IQCM: variants seen among roughly 807,000 people sequenced by gnomAD.
The protein encoded by IQCM is IQ motif containing M, also known as IQ domain-containing protein M.
Under a neutral mutation model 57.6 loss-of-function variants are expected in IQCM, and 45 were observed. The observed-to-expected ratio is 0.78, with a 90% confidence interval of 0.62 to 1.00. The LOEUF is 1.00. Ranked by LOEUF, IQCM falls within the 50% of genes least tolerant of loss-of-function variation. IQCM has a pLI of 0.00. For synonymous variants in IQCM, 148 were observed against 158.9 expected (o/e 0.93, Z 0.51); for missense variants, 468 against 511.6 (o/e 0.91, Z 0.82).
At chr4:149,538,618 C>G (rs901640405) in intron 12 of IQCM, among the ~76,000 whole-genome samples, 12 of 151,906 alleles carry the variant, frequency 7.9e-5, no homozygotes, top group Admixed American at 2.6e-4. Flanking sequence ...ACTCTATGCT[C>G]TCTATAAGAA....
At chr4:149,438,431 A>C (rs889949399) in intron 12 of IQCM, among the ~76,000 whole-genome samples, 2 of 152,106 alleles carry the variant, frequency 1.3e-5, no homozygotes, top group Non-Finnish European at 2.9e-5. Context: ...GAATTTTCAT[A>C]TGTGAGTTTG....
At chr4:149,632,060 T>C (rs1721650394) in intron 7 of IQCM, among the ~76,000 whole-genome samples, 1 of 152,216 alleles carries the variant, frequency 6.6e-6, no homozygotes, top group South Asian at 2.1e-4. Context: ...AAGCAGGCCA[T>C]GTTAGCTGAG....
intron 12 of IQCM, among the ~76,000 whole-genome samples, chr4:149,461,585 T>C (rs1386396594): frequency 1.3e-5 from 2 of 148,412 alleles, no homozygotes; most frequent in African/African-American, 5.0e-5. Flanking sequence ...GCCTGGGAGG[T>C]CGAGGCTGCC....
At chr4:149,795,190 C>A (rs1176430413) in intron 2 of IQCM, among the ~76,000 whole-genome samples, 1 of 152,130 alleles carries the variant, frequency 6.6e-6, no homozygotes, top group African/African-American at 2.4e-5. Flanking sequence ...GAAAAGTGAT[C>A]ATGTTTAAAC....
At chr4:149,594,441 G>A (rs866572317) in intron 8 of IQCM, among the ~76,000 whole-genome samples, 1 of 151,954 alleles carries the variant, frequency 6.6e-6, no homozygotes. Flanking sequence ...AAGGGCTTTT[G>A]TGTCTCTACC....
intron 13 of IQCM, among the ~76,000 whole-genome samples, chr4:149,383,915 G>A (rs181005541): frequency 6.6e-6 from 1 of 152,070 alleles, no homozygotes; most frequent in African/African-American, 2.4e-5. Context: ...ATCATGCCAT[G>A]GCACTCTAGC....
chr4:149,553,381 G>C, intron 10 of IQCM, 94 bp from the exon 11 acceptor site: 2 of 990,594 alleles, frequency 2.0e-6, no homozygotes, highest in Non-Finnish European at 2.6e-6. Flanking sequence ...TAGTTTCTAA[G>C]ATTATGGGTG....
chr4:149,422,776 C>T (rs1734202242), intron 13 of IQCM, among the ~76,000 whole-genome samples: 1 of 152,000 alleles, frequency 6.6e-6, no homozygotes, highest in Non-Finnish European at 1.5e-5. Flanking sequence ...TACCTCCTAA[C>T]TGGCTCTCTG....
intron 13 of IQCM, among the ~76,000 whole-genome samples, chr4:149,389,719 C>G (rs578022399): frequency 0.014 from 961 of 68,592 alleles, 13 homozygotes; most frequent in African/African-American, 0.054. Context: ...GGGTTGGGGG[C>G]GGGGGGAGGG....
Position 149,621,116 on chromosome 4 carries a change from T to C in IQCM, c.681+13A>G, listed in dbSNP as rs981902607. On this transcript the variant is annotated intron_variant, in intron 8 of 13. Coordinates refer to ENST00000636793, the MANE Select transcript of IQCM (RefSeq NM_001363507.2). Reference sequence around the variant, plus strand: ...GGCAATTCAAATCTACATCCAGTTTTATAAATACTTACAGAATAATAATCC... The same window carrying C: ...GGCAATTCAAATCTACATCCAGTTTCATAAATACTTACAGAATAATAATCC... 11 of 1,159,678 alleles carry C rather than the reference T, an allele frequency of 9.5e-6. No homozygotes were observed. In the African/African-American group the frequency reaches 1.7e-4, roughly 18 times the overall value. The allele number at this position is 1,159,678 out of a possible 1,614,324, so 71.8% of individuals were successfully genotyped here.
intron 5 of IQCM, among the ~76,000 whole-genome samples, chr4:149,725,932 T>TAAGGAGAC (rs1276761305): frequency 6.6e-6 from 1 of 152,066 alleles, no homozygotes; most frequent in Non-Finnish European, 1.5e-5. Flanking sequence ...CCTATTTTCC[T>TAAGGAGAC]AAGGAGACAG....
At chr4:149,685,030 C>T (rs1762452070) in intron 6 of IQCM, among the ~76,000 whole-genome samples, 1 of 151,452 alleles carries the variant, frequency 6.6e-6, no homozygotes, top group South Asian at 2.1e-4. Context: ...GGACCTTTAT[C>T]TTCTACCAGT....
intron 13 of IQCM, among the ~76,000 whole-genome samples, chr4:149,369,016 A>G (rs376026504): frequency 1.8e-4 from 14 of 77,130 alleles, no homozygotes; most frequent in Admixed American, 1.2e-3. Context: ...ATACACGTGT[A>G]TATATATATA....
chr4:149,700,588 A>G (rs1255690653), intron 5 of IQCM, among the ~76,000 whole-genome samples: 1 of 151,990 alleles, frequency 6.6e-6, no homozygotes, highest in African/African-American at 2.4e-5. Flanking sequence ...TTTTGAAAAC[A>G]ACTCATTAAA....
chr4:149,593,539 T>A (rs569828090), intron 8 of IQCM, among the ~76,000 whole-genome samples: 37 of 152,266 alleles, frequency 2.4e-4, no homozygotes, highest in African/African-American at 8.7e-4. Context: ...TGTGCCAGTT[T>A]TCAAAGGGAA....
intron 5 of IQCM, among the ~76,000 whole-genome samples, chr4:149,731,646 T>G (rs939565648): frequency 6.6e-6 from 1 of 152,044 alleles, no homozygotes; most frequent in African/African-American, 2.4e-5. Context: ...CCTAAAATAA[T>G]CCACTAATTC....
At chr4:149,461,233 CAA>C (rs61429806) in intron 12 of IQCM, among the ~76,000 whole-genome samples, 101 of 71,894 alleles carry the variant, frequency 1.4e-3, no homozygotes, top group East Asian at 0.011. Context: ...AACTCCATCT[CAA>C]AAAAAAAAAA....
At chr4:149,675,325 GGA>G (rs759097827) in intron 7 of IQCM, among the ~76,000 whole-genome samples, 34 of 152,036 alleles carry the variant, frequency 2.2e-4, no homozygotes, top group Non-Finnish European at 4.0e-4. Flanking sequence ...GAAGACAAAG[GGA>G]GAATGGTTTG....
chr4:149,612,325 G>A (rs1373105081), intron 8 of IQCM, among the ~76,000 whole-genome samples: 2 of 151,988 alleles, frequency 1.3e-5, no homozygotes, highest in South Asian at 2.1e-4. Flanking sequence ...GCACATTCAC[G>A]GCCATCTCTA....
Sources: gnomAD v4.1 joint callset for allele counts (sites outside exome capture counted in the v4.1 genomes callset) on GRCh38, gnomAD v4.1.1 for gene constraint, MANE v1.5 for transcripts, NCBI Gene and HGNC (gene_info 2026-07-23, HGNC 2026-07-21) for gene names.